CALN1: variants seen among roughly 807,000 people sequenced by gnomAD.
CALN1 encodes the protein calneuron 1.
In CALN1, 17 loss-of-function variants were observed where a neutral mutation model predicts 30.6. The ratio of observed to expected loss-of-function variants is 0.56; its 90% CI spans 0.38 to 0.83. The LOEUF (loss-of-function observed/expected upper bound fraction) is 0.83, where lower values mean the gene tolerates loss of function less well. CALN1 is among the 40% of genes least tolerant of loss of function. The probability of loss-of-function intolerance (pLI) is 0.00; values close to 1 mark genes in which losing one functional copy is unlikely to be tolerated. For missense variants in CALN1, 291 were observed against 354.9 expected (o/e 0.82, Z 1.45); for synonymous variants, 156 against 131.4 (o/e 1.19, Z -1.28).
chr7:72,345,283 T>C (rs116264114), intron 2 of CALN1, among the ~76,000 whole-genome samples: 3 of 141,756 alleles, frequency 2.1e-5, no homozygotes, highest in Non-Finnish European at 4.5e-5. Flanking sequence ...TGTTTGAAAC[T>C]GCACATGGTG....
intron 4 of CALN1, among the ~76,000 whole-genome samples, chr7:72,098,939 C>T (rs1806442206): frequency 6.6e-6 from 1 of 152,102 alleles, no homozygotes; most frequent in African/African-American, 2.4e-5. Flanking sequence ...ATCCCTAATC[C>T]AGGGAGATGA....
intron 4 of CALN1, among the ~76,000 whole-genome samples, chr7:72,044,266 T>C (rs1802320370): frequency 6.6e-6 from 1 of 152,164 alleles, no homozygotes; most frequent in Admixed American, 6.5e-5. Context: ...GCTCAAAGTT[T>C]GTGCTCAGAG....
chr7:72,088,784 G>GGGAAGGAAGGAAGGAAGGAA (rs10525928), intron 4 of CALN1, among the ~76,000 whole-genome samples: 29 of 149,108 alleles, frequency 1.9e-4, no homozygotes, highest in African/African-American at 6.2e-4. Flanking sequence ...AGAGAAGGAA[G>GGGAAGGAAGGAAGGAAGGAA]GGAAGGAAGG....
chr7:72,379,710 AT>A (rs1193162076), intron 2 of CALN1, among the ~76,000 whole-genome samples: 1 of 152,180 alleles, frequency 6.6e-6, no homozygotes, highest in Non-Finnish European at 1.5e-5. Context: ...AGCATTCCTT[AT>A]TTATTGCATG....
chr7:71,812,929 C>CATCATTATTATTATTATT (rs1287091997), intron 5 of CALN1, among the ~76,000 whole-genome samples: 17 of 136,506 alleles, frequency 1.2e-4, no homozygotes, highest in Middle Eastern at 3.8e-3. Flanking sequence ...TCATCATCAT[C>CATCATTATTATTATTATT]ATTATTATTA....
Position 71,836,870 on chromosome 7 carries a change from G to A in CALN1, c.502-26378C>T, listed in dbSNP as rs548460506. Among the ~76,000 whole-genome samples the A allele has an allele frequency of 4.0e-5, 6 of 151,010 alleles. No individual in the cohort carries two copies. In the South Asian group the frequency reaches 1.3e-3, roughly 32 times the overall value. ...CAACCTCAAGTCATCTGCCCACCTCGGCCTCCCAAAGTGCTGGGATTACAG... is the reference window on the plus strand; with the variant it reads ...CAACCTCAAGTCATCTGCCCACCTCAGCCTCCCAAAGTGCTGGGATTACAG... On this transcript the variant is annotated intron_variant, in intron 5 of 6. Coordinates refer to ENST00000395275, the MANE Select transcript of CALN1 (RefSeq NM_031468.4).
At chr7:72,326,005 G>C (rs112501050) in intron 2 of CALN1, among the ~76,000 whole-genome samples, 1 of 151,986 alleles carries the variant, frequency 6.6e-6, no homozygotes, top group African/African-American at 2.4e-5. Context: ...GGGTTCAAGC[G>C]ATTCTCCTGC....
At chr7:72,477,211 C>CAAAAAAAAA in the CALN1 span, among the ~76,000 whole-genome samples, 832 of 147,222 alleles carry the variant, frequency 5.7e-3, 8 homozygotes, top group African/African-American at 0.019. Flanking sequence ...ACTGTCTCAA[C>CAAAAAAAAA]AAAAAAAGAA....
rs1456996827 is a variant in CALN1 at position 72,010,682 on chromosome 7, G to A, written c.501+12975C>T. On this transcript the variant is annotated intron_variant, in intron 5 of 6. Coordinates refer to ENST00000395275, the MANE Select transcript of CALN1 (RefSeq NM_031468.4). ...CAAAAATTAGCCAGCATGTGGTGGC[G>A]CGTGTCTGTAATCCCAGCTACTCAG... Among the ~76,000 whole-genome samples the A allele has an allele frequency of 5.3e-5, 8 of 151,678 alleles. No homozygotes were observed. The South Asian group carries it at 6.2e-4, about 12-fold the overall frequency.
chr7:72,420,905 C>T (rs1416284793), intron 1 of CALN1, among the ~76,000 whole-genome samples: 2 of 152,096 alleles, frequency 1.3e-5, no homozygotes, highest in African/African-American at 2.4e-5. Flanking sequence ...TGAGCCACCA[C>T]GCCTGGCCGG....
chr7:72,429,318 T>C (rs1033198699), intron 1 of CALN1, among the ~76,000 whole-genome samples: 2 of 152,200 alleles, frequency 1.3e-5, no homozygotes, highest in East Asian at 1.9e-4. Flanking sequence ...AGCAGGACCT[T>C]ATTGGTTTTG....
intron 3 of CALN1, among the ~76,000 whole-genome samples, chr7:72,192,438 C>T (rs1178952766): frequency 2.6e-5 from 4 of 152,128 alleles, no homozygotes; most frequent in African/African-American, 9.7e-5. Context: ...TTCTGTCAAT[C>T]TGCCTAGAGG....
At chr7:72,159,164 G>T (rs907872760) in intron 3 of CALN1, among the ~76,000 whole-genome samples, 1 of 152,072 alleles carries the variant, frequency 6.6e-6, no homozygotes, top group Non-Finnish European at 1.5e-5. Flanking sequence ...TATTATGTGA[G>T]ATTTTTAAAG....
intron 5 of CALN1, among the ~76,000 whole-genome samples, chr7:72,014,931 G>A (rs574025677): frequency 4.6e-5 from 7 of 152,242 alleles, no homozygotes; most frequent in African/African-American, 1.7e-4. Context: ...CAAAGTGCTG[G>A]GATTACAGGC....
At chr7:72,468,858 T>C in the CALN1 span, among the ~76,000 whole-genome samples, 1 of 152,252 alleles carries the variant, frequency 6.6e-6, no homozygotes, top group Non-Finnish European at 1.5e-5. Flanking sequence ...TTATATCTTC[T>C]TTGGGGAAAT....
At chr7:71,945,828 T>C (rs941888943) in intron 5 of CALN1, among the ~76,000 whole-genome samples, 1 of 152,200 alleles carries the variant, frequency 6.6e-6, no homozygotes, top group African/African-American at 2.4e-5. Flanking sequence ...ATAAAGTACA[T>C]AATAAATGTA....
chr7:71,889,179 C>A (rs1229031491), intron 5 of CALN1, among the ~76,000 whole-genome samples: 1 of 152,214 alleles, frequency 6.6e-6, no homozygotes, highest in Non-Finnish European at 1.5e-5. Context: ...CTGACATTTA[C>A]TTCTCACAGC....
chr7:72,020,343 T>G (rs1486716716), intron 5 of CALN1, among the ~76,000 whole-genome samples: 1 of 152,294 alleles, frequency 6.6e-6, no homozygotes, highest in Non-Finnish European at 1.5e-5. Context: ...TATATATATG[T>G]GCACACACAC....
Position 72,023,675 on chromosome 7 carries a change from T to C in CALN1, c.483A>G (p.Ile161Met). Residue 161 changes from isoleucine to methionine, a missense_variant, in exon 5 of 7, where the codon ATA becomes ATG. This residue lies in a region of CALN1 where 169 missense variants were observed against 251.7 expected (regional missense o/e 0.67). Transcript: ENST00000395275. ...EGRDGFLGNT[I>M]DSIFWQFDMQ... ...TACTCACCTGCCAGAATATGCTGTCTATCGTGTTCCCAAGAAAACCATCGC... is the reference window on the plus strand; with the variant it reads ...TACTCACCTGCCAGAATATGCTGTCCATCGTGTTCCCAAGAAAACCATCGC... The C allele has an allele frequency of 6.2e-7, 1 of 1,613,928 alleles. No homozygotes were observed. The highest frequency in any genetic ancestry group is 2.2e-5 in the East Asian group (1 of 44,878).
Sources: allele counts gnomAD v4.1 joint callset (sites outside exome capture counted in the v4.1 genomes callset), GRCh38; gene constraint gnomAD v4.1.1; regional missense constraint gnomAD v4.1.1; transcripts MANE v1.5; gene names NCBI Gene and HGNC (gene_info 2026-07-23, HGNC 2026-07-21).